The following RUFY4 variants were observed in gnomAD, a reference collection of about 807,000 sequenced individuals.
RUFY4 encodes the protein RUN and FYVE domain-containing protein 4.
In RUFY4, 73 loss-of-function variants were observed where a neutral mutation model predicts 69.0. The ratio of observed to expected loss-of-function variants is 1.06; its 90% confidence interval spans 0.88 to 1.29. The LOEUF is 1.29. Among genes scored for constraint, RUFY4 ranks in the 50% most tolerant of loss-of-function variants. The probability of loss-of-function intolerance (pLI) is 0.00; values close to 1 mark genes in which losing one functional copy is unlikely to be tolerated. For missense variants in RUFY4, 770 were observed against 705.6 expected (o/e 1.09, Z -1.03); for synonymous variants, 287 against 271.8 (o/e 1.06, Z -0.55).
exon 1 of RUFY4, chr2:218,035,023 G>C (rs558119843): frequency 3.9e-5 from 6 of 152,472 alleles, no homozygotes; most frequent in Admixed American, 3.9e-4. Context: ...GCCAACAGGT[G>C]ACTCTACCCC....
At chr2:218,081,620 C>T (rs1689760818) in intron 8 of RUFY4, among the ~76,000 whole-genome samples, 1 of 152,194 alleles carries the variant, frequency 6.6e-6, no homozygotes, top group African/African-American at 2.4e-5. Context: ...GACACATGTA[C>T]ACACCACGGT....
intron 2 of RUFY4, among the ~76,000 whole-genome samples, chr2:218,036,962 A>G (rs1223585641): frequency 6.6e-6 from 1 of 152,180 alleles, no homozygotes; most frequent in Non-Finnish European, 1.5e-5. Flanking sequence ...TTGTAATTCC[A>G]TGGGAGAAAA....
At chr2:218,059,038 C>G (rs1038034615) in intron 3 of RUFY4, 3 of 152,190 alleles carry the variant, frequency 2.0e-5, no homozygotes, top group African/African-American at 7.2e-5. Context: ...CAACAAATAA[C>G]AAAGAGATTT....
At chr2:218,075,770 A>T (rs1358671688) in intron 7 of RUFY4, 30 bp downstream of exon 9, 4 of 1,373,114 alleles carry the variant, frequency 2.9e-6, no homozygotes. Flanking sequence ...ATACCTGGTT[A>T]TTTGCCCCTG....
chr2:218,089,889 C>G, intron 10 of RUFY4, 63 bp from the exon 13 acceptor site: 1 of 1,104,682 alleles, frequency 9.1e-7, no homozygotes, highest in Non-Finnish European at 1.4e-6. Context: ...ATGACCTCAG[C>G]GCCCACTTGG....
chr2:218,066,796 A>G (rs182953075), upstream of RUFY4, among the ~76,000 whole-genome samples: 3 of 152,328 alleles, frequency 2.0e-5, no homozygotes, highest in African/African-American at 4.8e-5. Flanking sequence ...CCAGAACCCA[A>G]TCCAGGATCT....
At chr2:218,076,361 C>CA (rs1689630200) in intron 7 of RUFY4, 66 bp from the exon 10 acceptor site, 1 of 1,525,114 alleles carries the variant, frequency 6.6e-7, no homozygotes, top group South Asian at 1.2e-5. Flanking sequence ...TTGTTCAGGT[C>CA]AGCCCCAGCA....
intron 9 of RUFY4, 89 bp from the exon 12 acceptor site, chr2:218,089,163 C>G (rs1689966769): frequency 3.0e-6 from 3 of 989,570 alleles, no homozygotes; most frequent in Admixed American, 4.4e-5. Context: ...CCGTCTGTTC[C>G]TCTCTGTCTC....
At chr2:218,038,894 C>T (rs1200855026) in intron 2 of RUFY4, among the ~76,000 whole-genome samples, 1 of 152,012 alleles carries the variant, frequency 6.6e-6, no homozygotes, top group Non-Finnish European at 1.5e-5. Flanking sequence ...GTAGGAAAAG[C>T]GAGGGCTTTC....
At position 218,072,364 on chromosome 2, in the gene RUFY4, T is replaced by C. The variant is rs371294890; in HGVS notation, c.154-10T>C. The C allele has an allele frequency of 2.7e-3, 4,189 of 1,537,042 alleles. 8 individuals carry two copies. The highest frequency in any genetic ancestry group is 3.3e-3 in the Non-Finnish European group (3,814 of 1,146,774). ...ATTTCTACACTTTCTTTGCCTCATT[T>C]TGGTTCTAGTTTGACCAGAAAGAGC... On this transcript the variant is annotated splice_polypyrimidine_tract_variant and intron_variant, in intron 2 of 10. Transcript: ENST00000344321.
intron 9 of RUFY4, among the ~76,000 whole-genome samples, chr2:218,085,886 C>T (rs1239591872): frequency 2.6e-5 from 4 of 152,162 alleles, no homozygotes; most frequent in Admixed American, 6.5e-5. Context: ...GTCCACTATT[C>T]GGAGTTCTAA....
At chr2:218,075,821 G>A in intron 7 of RUFY4, 81 bp downstream of exon 9, 2 of 1,309,452 alleles carry the variant, frequency 1.5e-6, no homozygotes, top group Non-Finnish European at 2.0e-6. Flanking sequence ...ATGGTAGCCT[G>A]GGACCATTCC....
At chr2:218,089,391 C>G in intron 10 of RUFY4, 29 bp downstream of exon 12, 1 of 1,587,586 alleles carries the variant, frequency 6.3e-7, no homozygotes, top group Non-Finnish European at 8.6e-7. Context: ...AATCCTCCCT[C>G]TGGGACAGCC....
intron 9 of RUFY4, among the ~76,000 whole-genome samples, chr2:218,086,588 G>C (rs998936412): frequency 3.9e-5 from 6 of 152,192 alleles, no homozygotes; most frequent in African/African-American, 1.4e-4. Context: ...AATTAAGTGG[G>C]GGAGGTGGTG....
At chr2:218,073,351 G>A in exon 5 of RUFY4, 2 of 1,590,684 alleles carry the variant, frequency 1.3e-6, no homozygotes, top group Non-Finnish European at 1.7e-6. Flanking sequence ...ACCTCCAGCA[G>A]CCAGACCTGG....
At chr2:218,070,962 A>C in intron 2 of RUFY4, 103 bp downstream of exon 4, 1 of 810,654 alleles carries the variant, frequency 1.2e-6, no homozygotes, top group Non-Finnish European at 1.9e-6. Flanking sequence ...CTTCCTTACC[A>C]TGCACTGTGT....
upstream of RUFY4, among the ~76,000 whole-genome samples, chr2:218,067,237 C>T (rs535751506): frequency 1.2e-4 from 18 of 152,372 alleles, no homozygotes; most frequent in East Asian, 3.3e-3. Context: ...ATGGCTGCCC[C>T]ACCTCCCGGG....
At chr2:218,063,430 T>C (rs1227853067) in intron 3 of RUFY4, among the ~76,000 whole-genome samples, 1 of 152,198 alleles carries the variant, frequency 6.6e-6, no homozygotes, top group Non-Finnish European at 1.5e-5. Context: ...CAGGTGGGAA[T>C]GTAAGATGGG....
intron 2 of RUFY4, among the ~76,000 whole-genome samples, chr2:218,071,438 C>A (rs1227324001): frequency 6.6e-6 from 1 of 152,108 alleles, no homozygotes; most frequent in Non-Finnish European, 1.5e-5. Flanking sequence ...CTCGGGCTCT[C>A]CCCTCTACTT....
Sources: gnomAD v4.1 joint callset for allele counts (sites outside exome capture counted in the v4.1 genomes callset) on GRCh38, gnomAD v4.1.1 for gene constraint, MANE v1.5 for transcripts, NCBI Gene and HGNC (gene_info 2026-07-23, HGNC 2026-07-21) for gene names.